CNTN4: variants seen among roughly 807,000 people sequenced by gnomAD.
CNTN4 encodes the protein contactin 4, also known as contactin-4.
CNTN4 carries 77 observed loss-of-function variants against 122.5 expected under a neutral mutation model. That is an observed-to-expected ratio of 0.63 (90% CI 0.52 to 0.76). The LOEUF is 0.76. CNTN4 is among the 30% of genes least tolerant of loss of function. CNTN4 has a pLI of 0.00. For missense variants in CNTN4, 1,256 were observed against 1,259.1 expected, an observed-to-expected ratio of 1.00 and a Z score of 0.04; for synonymous variants, 512 against 447.0, an observed-to-expected ratio of 1.15 and a Z score of -1.83.
intron 3 of CNTN4, among the ~76,000 whole-genome samples, chr3:2,506,445 T>C (rs925435720): frequency 6.6e-6 from 1 of 152,204 alleles, no homozygotes; most frequent in Non-Finnish European, 1.5e-5. Flanking sequence ...GGGGATACCA[T>C]ATAAATGCAT....
intron 19 of CNTN4, 142 bp downstream of exon 19, chr3:3,039,145 T>G: frequency 1.3e-6 from 1 of 742,392 alleles, no homozygotes; most frequent in Non-Finnish European, 2.4e-6. Flanking sequence ...CCCTCTCACG[T>G]AGCTAATGGC....
intron 3 of CNTN4, among the ~76,000 whole-genome samples, chr3:2,559,889 G>A (rs867331047): frequency 2.0e-5 from 3 of 152,174 alleles, no homozygotes; most frequent in African/African-American, 7.2e-5. Context: ...CTCCATGATA[G>A]CAGGACTGAA....
At chr3:2,691,906 A>G (rs2085759634) in intron 4 of CNTN4, among the ~76,000 whole-genome samples, 1 of 152,178 alleles carries the variant, frequency 6.6e-6, no homozygotes, top group Non-Finnish European at 1.5e-5. Flanking sequence ...GTTCGTTAGC[A>G]CAGAAATATA....
chr3:2,361,397 A>C (rs979133092), intron 3 of CNTN4, among the ~76,000 whole-genome samples: 1 of 152,184 alleles, frequency 6.6e-6, no homozygotes, highest in African/African-American at 2.4e-5. Flanking sequence ...TTTTGTAACC[A>C]GTGGGTAGCT....
chr3:2,964,462 A>G (rs372998472), intron 13 of CNTN4, among the ~76,000 whole-genome samples: 10 of 152,304 alleles, frequency 6.6e-5, no homozygotes, highest in African/African-American at 1.9e-4. Context: ...ACTTGAGGTG[A>G]AATTCCAGTC....
At chr3:2,853,906 T>C (rs1326384559) in intron 7 of CNTN4, among the ~76,000 whole-genome samples, 2 of 152,198 alleles carry the variant, frequency 1.3e-5, no homozygotes, top group Non-Finnish European at 2.9e-5. Context: ...CTTGGGGGAA[T>C]GATGACTGCC....
intron 2 of CNTN4, among the ~76,000 whole-genome samples, chr3:2,246,177 C>T (rs2040138479): frequency 6.6e-6 from 1 of 151,856 alleles, no homozygotes; most frequent in African/African-American, 2.4e-5. Flanking sequence ...AAATATCATA[C>T]AATGCAATTG....
chr3:3,010,229 G>A (rs916887333), intron 14 of CNTN4, among the ~76,000 whole-genome samples: 2 of 151,822 alleles, frequency 1.3e-5, no homozygotes, highest in Admixed American at 1.3e-4. Context: ...GAGCAAATAG[G>A]GACCTAATTG....
chr3:2,628,754 GA>G (rs2150012450), intron 4 of CNTN4, among the ~76,000 whole-genome samples: 1 of 152,316 alleles, frequency 6.6e-6, no homozygotes, highest in Non-Finnish European at 1.5e-5. Context: ...CTGCCATACT[GA>G]AAGAAATGTA....
At chr3:2,785,565 T>C (rs1481160657) in intron 6 of CNTN4, among the ~76,000 whole-genome samples, 1 of 152,116 alleles carries the variant, frequency 6.6e-6, no homozygotes, top group African/African-American at 2.4e-5. Flanking sequence ...AATTAACATA[T>C]AAAACTAATA....
rs751356289 is a variant in CNTN4, at chr3:2,949,330, TTCATAGATGAAATAATA to T, written c.1358+23555_1358+23571del. Among the ~76,000 whole-genome samples the T allele has an allele frequency of 3.3e-5, 5 of 152,300 alleles. No individual in the cohort carries two copies. The South Asian group carries it at 1.0e-3, about 32-fold the overall frequency. On this transcript the variant is annotated intron_variant, in intron 13 of 24. Coordinates refer to ENST00000418658, the MANE Select transcript of CNTN4 (RefSeq NM_175607.3). ...GAAAGTTAGCTGAATTCCTACTGGATTCATAGATGAAATAATATCAGAAAGAATACAGATATTATGAA... is the reference window on the plus strand; with the variant it reads ...GAAAGTTAGCTGAATTCCTACTGGATTCAGAAAGAATACAGATATTATGAA...
intron 13 of CNTN4, among the ~76,000 whole-genome samples, chr3:2,961,065 C>G (rs1449327678): frequency 7.0e-6 from 1 of 143,238 alleles, no homozygotes; most frequent in Non-Finnish European, 1.5e-5. Flanking sequence ...CCCGTCTCTA[C>G]TAAAAATACA....
intron 3 of CNTN4, among the ~76,000 whole-genome samples, chr3:2,514,727 G>A (rs1328862318): frequency 6.6e-6 from 1 of 152,132 alleles, no homozygotes; most frequent in Admixed American, 6.5e-5. Context: ...TCCTTCCGAG[G>A]TTAAGAAAGT....
At chr3:2,343,753 C>G (rs1001114396) in intron 3 of CNTN4, among the ~76,000 whole-genome samples, 1 of 152,214 alleles carries the variant, frequency 6.6e-6, no homozygotes, top group African/African-American at 2.4e-5. Context: ...CCACTGGCAA[C>G]ATAGCTATGG....
chr3:2,898,210 A>G (rs780761142), intron 10 of CNTN4, among the ~76,000 whole-genome samples: 3 of 152,218 alleles, frequency 2.0e-5, no homozygotes, highest in Non-Finnish European at 4.4e-5. Flanking sequence ...TTTGTCACAT[A>G]TATAATATGA....
intron 4 of CNTN4, among the ~76,000 whole-genome samples, chr3:2,576,675 G>A (rs1370526161): frequency 1.3e-5 from 2 of 151,842 alleles, no homozygotes; most frequent in African/African-American, 4.8e-5. Flanking sequence ...AGTCTCCTGA[G>A]GATCTGGGAT....
intron 4 of CNTN4, among the ~76,000 whole-genome samples, chr3:2,624,253 A>G (rs1278348678): frequency 5.3e-5 from 8 of 152,344 alleles, no homozygotes; most frequent in African/African-American, 1.7e-4. Context: ...TTTCACCAGT[A>G]CACTAAAAGG....
intron 13 of CNTN4, among the ~76,000 whole-genome samples, chr3:2,957,384 A>G (rs954252781): frequency 3.3e-5 from 5 of 152,120 alleles, no homozygotes; most frequent in Non-Finnish European, 7.4e-5. Context: ...TTCTCTGATG[A>G]TTAGTGATAC....
At chr3:2,889,636 A>G (rs67711272) in intron 10 of CNTN4, among the ~76,000 whole-genome samples, 53,627 of 151,946 alleles carry the variant, frequency 0.35, 9,904 homozygotes, top group East Asian at 0.59. Flanking sequence ...ATTGGCCAAC[A>G]TTTTCTCTTT....
Sources: gnomAD v4.1 joint callset for allele counts (sites outside exome capture counted in the v4.1 genomes callset) on GRCh38, gnomAD v4.1.1 for gene constraint, MANE v1.5 for transcripts, NCBI Gene and HGNC (gene_info 2026-07-23, HGNC 2026-07-21) for gene names.